RTL4: variants seen among roughly 807,000 people sequenced by gnomAD.
RTL4 encodes the protein retrotransposon Gag like 4.
In RTL4, 4 loss-of-function variants were observed where a neutral mutation model predicts 5.3. The observed-to-expected ratio is 0.75, with a 90% CI of 0.37 to 1.72. RTL4 has a LOEUF of 1.72. Among genes scored for constraint, RTL4 ranks in the 40% most tolerant of loss-of-function variants. RTL4 has a pLI of 0.04. For missense variants in RTL4, 260 were observed against 227.1 expected, an observed-to-expected ratio of 1.14 and a Z score of -0.93; for synonymous variants, 98 against 87.3, an observed-to-expected ratio of 1.12 and a Z score of -0.68.
the RTL4 span, among the ~76,000 whole-genome samples, chrX:112,390,117 AT>A: frequency 2.1e-3 from 31 of 14,644 alleles, no homozygotes; most frequent in African/African-American, 7.9e-3. Flanking sequence ...ATATATATAT[AT>A]ATATATATAT....
At chrX:112,309,718 C>T in the RTL4 span, among the ~76,000 whole-genome samples, 7 of 108,498 alleles carry the variant, frequency 6.5e-5, no homozygotes, top group East Asian at 1.8e-3. Flanking sequence ...TGACCTCAAG[C>T]GATTCACCTG....
the RTL4 span, among the ~76,000 whole-genome samples, chrX:112,198,745 T>C: frequency 4.5e-5 from 5 of 111,531 alleles, no homozygotes; most frequent in East Asian, 8.5e-4. Context: ...ATGCTGACTA[T>C]GTGCCAAGGC....
At chrX:112,403,288 C>T in the RTL4 span, among the ~76,000 whole-genome samples, 1 of 112,103 alleles carries the variant, frequency 8.9e-6, no homozygotes, top group Non-Finnish European at 1.9e-5. Context: ...GTAGGAACCA[C>T]AAATTTCACC....
the RTL4 span, among the ~76,000 whole-genome samples, chrX:112,401,032 G>A: frequency 1.8e-5 from 2 of 111,847 alleles, no homozygotes; most frequent in East Asian, 2.8e-4. Context: ...CTTGTTTTTC[G>A]TCCATCTGTC....
the RTL4 span, among the ~76,000 whole-genome samples, chrX:112,426,415 T>G: frequency 8.9e-6 from 1 of 111,854 alleles, no homozygotes; most frequent in African/African-American, 3.2e-5. Context: ...CTAAACAGCT[T>G]GCTATGATTT....
At chrX:112,385,722 G>A in the RTL4 span, among the ~76,000 whole-genome samples, 2 of 111,065 alleles carry the variant, frequency 1.8e-5, no homozygotes, top group African/African-American at 3.3e-5. Flanking sequence ...TTTTTTTCTG[G>A]CAAAGGAGTC....
chrX:112,231,031 C>T, the RTL4 span, among the ~76,000 whole-genome samples: 10 of 110,580 alleles, frequency 9.0e-5, no homozygotes, highest in East Asian at 1.7e-3. Flanking sequence ...GAGATACCAT[C>T]TCACACCAGT....
chrX:112,426,341 T>C, the RTL4 span, among the ~76,000 whole-genome samples: 1 of 111,675 alleles, frequency 9.0e-6, no homozygotes, highest in African/African-American at 3.2e-5. Flanking sequence ...TGAAATCCAG[T>C]AGTATCAGTC....
the RTL4 span, among the ~76,000 whole-genome samples, chrX:112,267,399 C>A: frequency 6.3e-5 from 7 of 111,916 alleles, no homozygotes; most frequent in African/African-American, 2.3e-4. Flanking sequence ...CACTTGACTT[C>A]CAAGAGTCCT....
the RTL4 span, among the ~76,000 whole-genome samples, chrX:112,353,459 T>A: frequency 9.0e-6 from 1 of 111,063 alleles, no homozygotes; most frequent in Non-Finnish European, 1.9e-5. Flanking sequence ...ATAGACTGGA[T>A]TAAGAAAATG....
chrX:112,104,787 T>C, the RTL4 span, among the ~76,000 whole-genome samples: 1 of 111,827 alleles, frequency 8.9e-6, no homozygotes, highest in Non-Finnish European at 1.9e-5. Flanking sequence ...CTTATATATC[T>C]TGAATATTAA....
the RTL4 span, among the ~76,000 whole-genome samples, chrX:112,344,068 A>G: frequency 8.9e-6 from 1 of 112,370 alleles, no homozygotes; most frequent in Non-Finnish European, 1.9e-5. Context: ...TATGTTCCAC[A>G]GTAACTAGCC....
the RTL4 span, among the ~76,000 whole-genome samples, chrX:112,200,343 C>G: frequency 8.9e-6 from 1 of 111,879 alleles, no homozygotes; most frequent in Non-Finnish European, 1.9e-5. Context: ...CCCACTAGTA[C>G]ATAAGCTTCA....
the RTL4 span, among the ~76,000 whole-genome samples, chrX:112,365,173 G>T: frequency 9.0e-6 from 1 of 111,011 alleles, no homozygotes; most frequent in African/African-American, 3.3e-5. Flanking sequence ...TGGACATGGT[G>T]GGGGTGGAAA....
chrX:112,274,936 A>G, the RTL4 span, among the ~76,000 whole-genome samples: 3 of 111,377 alleles, frequency 2.7e-5, no homozygotes, highest in Admixed American at 1.9e-4. Context: ...TGCTTTACAT[A>G]TATTAACTCA....
the RTL4 span, among the ~76,000 whole-genome samples, chrX:112,111,346 TTTC>T: frequency 9.0e-6 from 1 of 111,715 alleles, no homozygotes; most frequent in Non-Finnish European, 1.9e-5. Context: ...TGTCTTTCTC[TTTC>T]TCTCTGTCTT....
At chrX:112,456,036 A>G (rs927531481) in exon 1 of RTL4, 1 of 282,772 alleles carries the variant, frequency 3.5e-6, no homozygotes, top group South Asian at 2.0e-4. Flanking sequence ...CAAATCCTGA[A>G]TCTTGTGTGC....
chrX:112,274,332 C>G, the RTL4 span, among the ~76,000 whole-genome samples: 3 of 111,728 alleles, frequency 2.7e-5, no homozygotes, highest in African/African-American at 9.8e-5. Flanking sequence ...TTGCTATTTC[C>G]TGTGGAAATC....
At chrX:112,093,509 G>T in the RTL4 span, among the ~76,000 whole-genome samples, 4 of 111,523 alleles carry the variant, frequency 3.6e-5, no homozygotes, top group African/African-American at 1.3e-4. Flanking sequence ...TCTTTCAAGA[G>T]AGTTTTCTTC....
Sources: gnomAD v4.1 joint callset for allele counts (sites outside exome capture counted in the v4.1 genomes callset) on GRCh38, gnomAD v4.1.1 for gene constraint, MANE v1.5 for transcripts, NCBI Gene and HGNC (gene_info 2026-07-23, HGNC 2026-07-21) for gene names.